Variants in MID2 observed in about 807,000 individuals in gnomAD.
MID2 encodes probable E3 ubiquitin-protein ligase MID2.
Under a neutral mutation model 46.1 loss-of-function variants are expected in MID2, and 13 were observed. The observed-to-expected ratio is 0.28, with a 90% CI of 0.18 to 0.45. MID2 has a LOEUF of 0.45. MID2 is among the 20% of genes least tolerant of loss of function. The pLI is 1.00. For missense variants in MID2, 431 were observed against 575.4 expected (o/e 0.75, Z 2.57); for synonymous variants, 199 against 212.3 (o/e 0.94, Z 0.55).
intron 6 of MID2, among the ~76,000 whole-genome samples, chrX:107,917,005 G>T (rs936448758): frequency 8.9e-6 from 1 of 111,742 alleles, no homozygotes; most frequent in Non-Finnish European, 1.9e-5. Context: ...GCCAGATGTG[G>T]TGGTGGGTGC....
intron 2 of MID2, among the ~76,000 whole-genome samples, chrX:107,848,106 T>C (rs1487275805): frequency 9.0e-6 from 1 of 110,794 alleles, no homozygotes; most frequent in Non-Finnish European, 1.9e-5. Flanking sequence ...GACTTGGGAG[T>C]CCTCAGCGTG....
intron 3 of MID2, 125 bp downstream of exon 3, chrX:107,854,829 A>C (rs369162463): frequency 2.3e-5 from 11 of 485,226 alleles, no homozygotes; most frequent in African/African-American, 7.1e-5. Flanking sequence ...CAGTTTTAGA[A>C]AGTCTCATTC....
chrX:107,919,902 C>A (rs1933038685), intron 7 of MID2, among the ~76,000 whole-genome samples: 1 of 111,871 alleles, frequency 8.9e-6, no homozygotes, highest in Admixed American at 9.5e-5. Context: ...TGAATTTATC[C>A]CTAGTACATT....
At chrX:107,875,027 A>G (rs1932167009) in intron 3 of MID2, among the ~76,000 whole-genome samples, 1 of 111,191 alleles carries the variant, frequency 9.0e-6, no homozygotes, top group Non-Finnish European at 1.9e-5. Flanking sequence ...GTAAAACTTT[A>G]ACCTGAGGAT....
rs775353844 is a variant in MID2 at position 107,928,643 on chromosome X, A to G, written c.*1570A>G. ...CATTTATTAATTCATTCAATAAACTATTAGATGCCAGGTACCAAACTACTG... is the reference window on the plus strand; with the variant it reads ...CATTTATTAATTCATTCAATAAACTGTTAGATGCCAGGTACCAAACTACTG... On this transcript the variant is annotated 3_prime_UTR_variant, in exon 10 of 10. Transcript: ENST00000262843. Among the ~76,000 whole-genome samples the G allele has an allele frequency of 2.2e-4, 25 of 111,762 alleles. No homozygotes were observed. Among genetic ancestry groups the G allele is most frequent in the Middle Eastern group, 4.7e-3 (1 of 214 alleles).
At chrX:107,879,485 C>A (rs975919768) in intron 3 of MID2, among the ~76,000 whole-genome samples, 2 of 112,494 alleles carry the variant, frequency 1.8e-5, no homozygotes, top group African/African-American at 3.2e-5. Context: ...CAACCATAGT[C>A]TCTGATGTCC....
chrX:107,876,167 C>T (rs769909432), intron 3 of MID2, among the ~76,000 whole-genome samples: 1 of 110,657 alleles, frequency 9.0e-6, no homozygotes, highest in African/African-American at 3.3e-5. Context: ...GGTTTGTGGG[C>T]TTTCATGGTG....
At chrX:107,881,213 G>T (rs771427685) in intron 3 of MID2, among the ~76,000 whole-genome samples, 2 of 112,423 alleles carry the variant, frequency 1.8e-5, no homozygotes, top group Admixed American at 9.4e-5. Flanking sequence ...TGGATGCTGG[G>T]CAGTAGTAGA....
Position 107,887,548 on chromosome X carries a change from G to A in MID2, c.817-16410G>A, listed in dbSNP as rs1297579366. On this transcript the variant is annotated intron_variant, in intron 3 of 9. Coordinates refer to ENST00000262843, the MANE Select transcript of MID2 (RefSeq NM_012216.4). ...TGCCAGTATTTTACTGAGGATTTTT[G>A]CATCGATGTTCATCAGGGATATTGG... 2.7e-5 allele frequency among the ~76,000 whole-genome samples: 3 copies of A among 111,550 alleles called. No homozygotes were observed. In the East Asian group the frequency reaches 8.4e-4, roughly 31 times the overall value.
intron 3 of MID2, among the ~76,000 whole-genome samples, chrX:107,891,408 G>A (rs748296591): frequency 9.1e-4 from 99 of 108,709 alleles, no homozygotes; most frequent in Non-Finnish European, 1.6e-3. Flanking sequence ...AGACTCCCGA[G>A]TAGCTGAGAT....
chrX:107,842,575 G>T (rs1931371705), intron 2 of MID2, among the ~76,000 whole-genome samples: 1 of 112,094 alleles, frequency 8.9e-6, no homozygotes, highest in African/African-American at 3.2e-5. Flanking sequence ...GTTGGTGAGA[G>T]TAGCAGTACT....
Position 107,905,583 on chromosome X carries a change from G to T in MID2, c.1030G>T (p.Asp344Tyr). 1 of 1,207,590 alleles carries T rather than the reference G, an allele frequency of 8.3e-7. No homozygotes were observed. The highest frequency in any genetic ancestry group is 1.1e-6 in the Non-Finnish European group (1 of 893,455). ...NQAEHILKEN[D>Y]QARFLQSAKN... ...AGCTGAGCATATCCTGAAAGAAAAT[G>T]ACCAGGCACGGTTTCTACAGTCTGC... The change falls in exon 5 of 10, where the codon GAC becomes TAC. Residue 344 changes from aspartate to tyrosine, a missense_variant. By Grantham distance (160) the Asp-to-Tyr change is radical. Coordinates refer to ENST00000262843, the MANE Select transcript of MID2 (RefSeq NM_012216.4).
intron 3 of MID2, among the ~76,000 whole-genome samples, chrX:107,887,359 T>G (rs1305176764): frequency 8.9e-6 from 1 of 112,366 alleles, no homozygotes; most frequent in Non-Finnish European, 1.9e-5. Flanking sequence ...GTCAAAGGTC[T>G]TTTCTGCATC....
intron 1 of MID2, among the ~76,000 whole-genome samples, chrX:107,829,933 C>T (rs1931055275): frequency 8.9e-6 from 1 of 112,168 alleles, no homozygotes; most frequent in South Asian, 3.7e-4. Context: ...TTTAGTTAAT[C>T]CCTTCCCTAA....
intron 3 of MID2, among the ~76,000 whole-genome samples, chrX:107,891,717 G>A (rs1299992993): frequency 8.9e-6 from 1 of 112,072 alleles, no homozygotes; most frequent in South Asian, 3.7e-4. Flanking sequence ...AGAGTTCAGC[G>A]TTGGTTATTA....
At chrX:107,841,423 C>T (rs781576443) in intron 2 of MID2, 38 bp downstream of exon 2, 65 of 1,009,737 alleles carry the variant, frequency 6.4e-5, no homozygotes, top group Middle Eastern at 2.7e-4. Context: ...ACAACTTTGT[C>T]GCATAAATGC....
chrX:107,915,777 G>A (rs1460008632), intron 5 of MID2, among the ~76,000 whole-genome samples: 1 of 111,503 alleles, frequency 9.0e-6, no homozygotes, highest in African/African-American at 3.3e-5. Context: ...GGGGGAGTGT[G>A]TTTGAGGGGT....
chrX:107,910,746 C>G (rs1204690424), intron 5 of MID2, among the ~76,000 whole-genome samples: 1 of 77,482 alleles, frequency 1.3e-5, no homozygotes, highest in Non-Finnish European at 2.6e-5. Flanking sequence ...GAAATTTCAT[C>G]AAGATTTGCC....
At chrX:107,869,720 G>T (rs1242462701) in intron 3 of MID2, among the ~76,000 whole-genome samples, 1 of 110,606 alleles carries the variant, frequency 9.0e-6, no homozygotes, top group Non-Finnish European at 1.9e-5. Context: ...TCTTGTCCGT[G>T]CTGTGAATGG....
Sources: allele counts gnomAD v4.1 joint callset (sites outside exome capture counted in the v4.1 genomes callset), GRCh38; gene constraint gnomAD v4.1.1; transcripts MANE v1.5; gene names NCBI Gene and HGNC (gene_info 2026-07-23, HGNC 2026-07-21).